RP1: variants seen among roughly 807,000 people sequenced by gnomAD.
The protein encoded by RP1 is oxygen-regulated protein 1.
Under a neutral mutation model 14.8 loss-of-function variants are expected in RP1, and 16 were observed. The ratio of observed to expected loss-of-function variants is 1.08; its 90% confidence interval spans 0.73 to 1.65. The LOEUF (loss-of-function observed/expected upper bound fraction) is 1.65, where lower values mean the gene tolerates loss of function less well. RP1 is among the 40% of genes most tolerant of loss of function. RP1 has a pLI of 0.00. For synonymous variants in RP1, 876 were observed against 883.6 expected (o/e 0.99, Z 0.15); for missense variants, 2,631 against 2,535.0 (o/e 1.04, Z -0.81).
chr8:54,850,609 C>T (rs1812038049), intron 25 of RP1, among the ~76,000 whole-genome samples: 1 of 152,210 alleles, frequency 6.6e-6, no homozygotes, highest in South Asian at 2.1e-4. Flanking sequence ...GAATTGTTTA[C>T]AACACCTGAT....
At chr8:54,616,921 G>A (rs1805732106) in intron 1 of RP1, among the ~76,000 whole-genome samples, 1 of 152,150 alleles carries the variant, frequency 6.6e-6, no homozygotes. Context: ...TTTTAAGTGG[G>A]GTTTGATTGA....
chr8:54,575,832 T>G (rs889599044), intron 1 of RP1, among the ~76,000 whole-genome samples: 1 of 152,188 alleles, frequency 6.6e-6, no homozygotes, highest in Non-Finnish European at 1.5e-5. Flanking sequence ...TGTTCCCTAC[T>G]TTGTGTCCAT....
chr8:54,576,166 G>A (rs1274044339), intron 1 of RP1, among the ~76,000 whole-genome samples: 1 of 150,658 alleles, frequency 6.6e-6, no homozygotes, highest in Non-Finnish European at 1.5e-5. Context: ...TCAGCCTCCC[G>A]AGTAGCTGGG....
chr8:54,630,185 T>C lies in RP1; in HGVS notation c.6303T>C (p.Gly2101=). ...INCHYFFEML[G]QACLLDICQV... is the part of the protein sequence containing the mutation. ...GTCATTACTTCTTTGAAATGCTTGG[T>C]CAAGCTTGCCTCTTAGATATTTGCC... The change falls in exon 4 of 4, where the codon GGT becomes GGC. Residue 2101 remains glycine (G), a synonymous_variant. Transcript: ENST00000220676. 6.2e-7 allele frequency: 1 copy of C among 1,613,732 alleles called. No homozygotes were observed. The highest frequency in any genetic ancestry group is 8.5e-7 in the Non-Finnish European group (1 of 1,179,940).
At chr8:54,805,565 G>A (rs1254905584) in intron 24 of RP1, among the ~76,000 whole-genome samples, 1 of 152,116 alleles carries the variant, frequency 6.6e-6, no homozygotes, top group Non-Finnish European at 1.5e-5. Context: ...ATGTTAATTG[G>A]ACCTTGTTCC....
chr8:54,591,165 A>G (rs539947581), intron 1 of RP1, among the ~76,000 whole-genome samples: 18 of 152,304 alleles, frequency 1.2e-4, no homozygotes, highest in Middle Eastern at 3.4e-3. Flanking sequence ...TGCTCCTCAT[A>G]GCAACCACAA....
At chr8:54,816,654 C>T (rs1235913469) in intron 24 of RP1, among the ~76,000 whole-genome samples, 5 of 152,200 alleles carry the variant, frequency 3.3e-5, no homozygotes, top group Admixed American at 3.3e-4. Flanking sequence ...CTTACATAGT[C>T]TCTCCTGGCT....
chr8:54,753,373 T>C (rs1809420982), intron 19 of RP1, among the ~76,000 whole-genome samples: 1 of 152,214 alleles, frequency 6.6e-6, no homozygotes, highest in African/African-American at 2.4e-5. Context: ...GTTCCTTCCC[T>C]CAAGTCTGTC....
intron 24 of RP1, among the ~76,000 whole-genome samples, chr8:54,813,962 A>C (rs1379437001): frequency 1.3e-5 from 2 of 152,250 alleles, no homozygotes; most frequent in Non-Finnish European, 2.9e-5. Context: ...GGAGTTGAGC[A>C]AATGATATAA....
chr8:54,664,823 T>C (rs1166824997), intron 7 of RP1, among the ~76,000 whole-genome samples: 1 of 152,058 alleles, frequency 6.6e-6, no homozygotes, highest in Non-Finnish European at 1.5e-5. Flanking sequence ...AGAGCAACAA[T>C]AGACACTAGG....
intron 1 of RP1, among the ~76,000 whole-genome samples, chr8:54,603,539 A>G (rs192359280): frequency 4.6e-5 from 7 of 151,224 alleles, no homozygotes; most frequent in African/African-American, 1.7e-4. Context: ...TTGGTTCCAT[A>G]TGAACTTGAA....
At chr8:54,853,827 AC>A (rs1486470181) in intron 26 of RP1, among the ~76,000 whole-genome samples, 2 of 145,870 alleles carry the variant, frequency 1.4e-5, no homozygotes, top group African/African-American at 5.5e-5. Context: ...AGGAAGAGAA[AC>A]AAAGAGAGAG....
downstream of RP1, among the ~76,000 whole-genome samples, chr8:54,632,244 C>T (rs1484629273): frequency 1.3e-5 from 2 of 152,066 alleles, no homozygotes; most frequent in African/African-American, 4.8e-5. Flanking sequence ...TATAGATATA[C>T]CCAAGAAGAT....
chr8:54,810,878 G>C (rs1012443697), intron 24 of RP1, among the ~76,000 whole-genome samples: 2 of 152,180 alleles, frequency 1.3e-5, no homozygotes, highest in Admixed American at 1.3e-4. Context: ...AGCAGGCCAA[G>C]CCTTTGTTTT....
intron 15 of RP1, among the ~76,000 whole-genome samples, chr8:54,708,199 AG>A (rs1808196537): frequency 6.6e-6 from 1 of 152,140 alleles, no homozygotes; most frequent in African/African-American, 2.4e-5. Context: ...TGCTGGGCAG[AG>A]TTTCTAGAGG....
intron 12 of RP1, among the ~76,000 whole-genome samples, chr8:54,689,978 A>G (rs1807671132): frequency 6.6e-6 from 1 of 152,066 alleles, no homozygotes; most frequent in African/African-American, 2.4e-5. Context: ...CACTTTCAAG[A>G]CAAACTTCTA....
At chr8:54,834,412 T>C (rs1205986604) in intron 24 of RP1, among the ~76,000 whole-genome samples, 1 of 152,040 alleles carries the variant, frequency 6.6e-6, no homozygotes, top group Non-Finnish European at 1.5e-5. Context: ...GCTTTTGAAT[T>C]CAGCTTTGTG....
rs559827658 is a variant in RP1, at chr8:54,805,751, T to C, written c.3615+22041T>C. 6.6e-5 allele frequency among the ~76,000 whole-genome samples: 10 copies of C among 152,004 alleles called. No homozygotes were observed. In the South Asian group the frequency reaches 2.1e-3, roughly 32 times the overall value. ...TTTTTGTCATTTTCTGCAGGTGCCA[T>C]GGAAGGCAAATGAATGCTGTTGGTG... On this transcript the variant is annotated intron_variant, in intron 24 of 28. Transcript: ENST00000637698.
intron 24 of RP1, among the ~76,000 whole-genome samples, chr8:54,809,521 A>G (rs1563382825): frequency 1.3e-5 from 2 of 152,234 alleles, no homozygotes; most frequent in Non-Finnish European, 2.9e-5. Context: ...TGTGTTGTTC[A>G]TAAAAGCCTT....
Sources: gnomAD v4.1 joint callset for allele counts (sites outside exome capture counted in the v4.1 genomes callset) on GRCh38, gnomAD v4.1.1 for gene constraint, MANE v1.5 for transcripts, NCBI Gene and HGNC (gene_info 2026-07-23, HGNC 2026-07-21) for gene names.